The following DGKB variants were observed in gnomAD, a reference collection of about 807,000 sequenced individuals.
The protein encoded by DGKB is 90 kDa diacylglycerol kinase.
In DGKB, 67 loss-of-function variants were observed where a neutral mutation model predicts 114.3. The observed-to-expected ratio is 0.59, with a 90% CI of 0.48 to 0.72. The LOEUF is 0.72. Ranked by LOEUF, DGKB falls within the 30% of genes least tolerant of loss-of-function variation. The pLI is 0.00. For missense variants in DGKB, 907 were observed against 975.2 expected, an observed-to-expected ratio of 0.93 and a Z score of 0.93; for synonymous variants, 398 against 323.1, an observed-to-expected ratio of 1.23 and a Z score of -2.49.
chr7:14,740,270 G>C (rs1018153067), intron 4 of DGKB, among the ~76,000 whole-genome samples: 27 of 149,036 alleles, frequency 1.8e-4, no homozygotes, highest in African/African-American at 6.2e-4. Flanking sequence ...AAGGTCAGGA[G>C]TTGATGGATT....
intron 22 of DGKB, among the ~76,000 whole-genome samples, chr7:14,340,616 A>G (rs1811453253): frequency 6.6e-6 from 1 of 151,400 alleles, no homozygotes; most frequent in Non-Finnish European, 1.5e-5. Context: ...GGTCCTCTAC[A>G]AGCCACGGCC....
At chr7:14,644,810 A>G (rs892957386) in intron 13 of DGKB, among the ~76,000 whole-genome samples, 1 of 152,186 alleles carries the variant, frequency 6.6e-6, no homozygotes, top group Non-Finnish European at 1.5e-5. Flanking sequence ...AAAATATCCT[A>G]TGTCTTGGGA....
intron 1 of DGKB, among the ~76,000 whole-genome samples, chr7:14,886,805 C>T (rs1855138164): frequency 6.6e-6 from 1 of 151,782 alleles, no homozygotes; most frequent in Non-Finnish European, 1.5e-5. Context: ...CATATCCTCA[C>T]CTCCCTTAAA....
intron 1 of DGKB, among the ~76,000 whole-genome samples, chr7:14,961,004 A>T (rs575421762): frequency 2.6e-5 from 4 of 152,210 alleles, no homozygotes; most frequent in African/African-American, 9.6e-5. Flanking sequence ...TGAGGGCTAT[A>T]GGCTCTTTTC....
intron 20 of DGKB, among the ~76,000 whole-genome samples, chr7:14,481,996 G>A (rs544494321): frequency 1.3e-5 from 2 of 151,874 alleles, no homozygotes; most frequent in African/African-American, 4.8e-5. Flanking sequence ...CTTCTTATGT[G>A]GACTACATAT....
chr7:14,566,646 C>A (rs753911194), intron 20 of DGKB, among the ~76,000 whole-genome samples: 1 of 152,092 alleles, frequency 6.6e-6, no homozygotes. Context: ...ACACCATAGT[C>A]CTACAGGAGA....
At chr7:14,404,448 C>A (rs1036147591) in intron 21 of DGKB, among the ~76,000 whole-genome samples, 1 of 151,814 alleles carries the variant, frequency 6.6e-6, no homozygotes, top group African/African-American at 2.4e-5. Flanking sequence ...TCCATTCTAC[C>A]CAACAGCAAA....
intron 21 of DGKB, among the ~76,000 whole-genome samples, chr7:14,444,963 T>C (rs1830537696): frequency 6.6e-6 from 1 of 151,926 alleles, no homozygotes; most frequent in Non-Finnish European, 1.5e-5. Flanking sequence ...AGAAATATTA[T>C]AACTATTTAG....
At chr7:14,912,656 C>A (rs151009895) in intron 1 of DGKB, among the ~76,000 whole-genome samples, 154 of 152,254 alleles carry the variant, frequency 1.0e-3, no homozygotes, top group African/African-American at 3.4e-3. Flanking sequence ...TCCTTAGCTG[C>A]AACAAAGTAG....
At chr7:14,731,142 C>T (rs1830853068) in intron 5 of DGKB, among the ~76,000 whole-genome samples, 1 of 152,074 alleles carries the variant, frequency 6.6e-6, no homozygotes, top group Non-Finnish European at 1.5e-5. Flanking sequence ...TATTTTAGGA[C>T]TGGGAAGTGG....
intron 13 of DGKB, among the ~76,000 whole-genome samples, chr7:14,652,452 GA>G (rs1814759828): frequency 1.3e-5 from 2 of 152,004 alleles, no homozygotes; most frequent in African/African-American, 4.8e-5. Context: ...GCCATATGTA[GA>G]AAGCTGAAAC....
chr7:14,684,149 C>T (rs886462032), intron 10 of DGKB, among the ~76,000 whole-genome samples: 2 of 151,972 alleles, frequency 1.3e-5, no homozygotes, highest in Admixed American at 6.6e-5. Flanking sequence ...TATTAAAATT[C>T]GTAAATAGTT....
intron 1 of DGKB, among the ~76,000 whole-genome samples, chr7:14,948,372 A>G (rs568801612): frequency 2.6e-5 from 4 of 151,840 alleles, no homozygotes; most frequent in Admixed American, 1.3e-4. Flanking sequence ...GAACTACAAC[A>G]TACAGTAAGT....
At chr7:14,544,489 T>G (rs1331440132) in intron 20 of DGKB, among the ~76,000 whole-genome samples, 1 of 152,190 alleles carries the variant, frequency 6.6e-6, no homozygotes, top group Non-Finnish European at 1.5e-5. Flanking sequence ...TCATTTAACT[T>G]AAATTACTTA....
intron 23 of DGKB, among the ~76,000 whole-genome samples, chr7:14,199,226 G>A (rs1012183331): frequency 4.0e-5 from 6 of 151,856 alleles, no homozygotes; most frequent in African/African-American, 7.3e-5. Flanking sequence ...AAATTTCCAC[G>A]AGAATAGCTT....
chr7:14,555,948 GC>G (rs923714579), intron 20 of DGKB, among the ~76,000 whole-genome samples: 3 of 152,216 alleles, frequency 2.0e-5, no homozygotes, highest in Admixed American at 2.0e-4. Flanking sequence ...GCAACCAGCA[GC>G]CCTTGGGGCT....
chr7:14,175,748 C>T (rs1230068790), intron 25 of DGKB, among the ~76,000 whole-genome samples: 1 of 152,136 alleles, frequency 6.6e-6, no homozygotes, highest in Non-Finnish European at 1.5e-5. Context: ...ACCTTTTCTA[C>T]TTAAACTCTT....
intron 1 of DGKB, among the ~76,000 whole-genome samples, chr7:14,892,118 G>A (rs938744468): frequency 6.6e-6 from 1 of 151,354 alleles, no homozygotes; most frequent in Admixed American, 6.6e-5. Flanking sequence ...AAAAAGTCAT[G>A]GAAGAAAATG....
At chr7:14,775,472 C>A (rs2128478706) in intron 2 of DGKB, among the ~76,000 whole-genome samples, 1 of 148,272 alleles carries the variant, frequency 6.7e-6, no homozygotes, top group South Asian at 2.4e-4. Context: ...AAGTGAAGGC[C>A]AAAACTGCAA....
Sources: gnomAD v4.1 joint callset for allele counts (sites outside exome capture counted in the v4.1 genomes callset) on GRCh38, gnomAD v4.1.1 for gene constraint, MANE v1.5 for transcripts, NCBI Gene and HGNC (gene_info 2026-07-23, HGNC 2026-07-21) for gene names.